The following CR1 variants were observed in gnomAD, a reference collection of about 807,000 sequenced individuals.
CR1 encodes complement receptor type 1.
CR1 carries 116 observed loss-of-function variants against 187.3 expected under a neutral mutation model. The observed-to-expected ratio is 0.62, with a 90% confidence interval of 0.53 to 0.72. The LOEUF is 0.72. Ranked by LOEUF, CR1 falls within the 30% of genes least tolerant of loss-of-function variation. CR1 has a pLI of 0.00. For synonymous variants in CR1, 576 were observed against 747.1 expected (o/e 0.77, Z 3.73); for missense variants, 1,731 against 2,110.7 (o/e 0.82, Z 3.52).
rs1440480180 is a variant in CR1, at chr1:207,567,003, T to C, written c.3953-821T>C. Among the ~76,000 whole-genome samples, 3 of 150,332 alleles carry C rather than the reference T, an allele frequency of 2.0e-5. 1 individual carries two copies. Among genetic ancestry groups the C allele is most frequent in the African/African-American group, 7.6e-5 (3 of 39,724 alleles). ...GCAGTATGACAAGTGTCTGTTCTAC[T>C]ATCATGAATGAAAGCTCATTAACTG... On this transcript the variant is annotated intron_variant, in intron 24 of 46. Transcript: ENST00000367049.
chr1:207,633,396 G>A (rs1041043041), intron 46 of CR1, among the ~76,000 whole-genome samples: 1 of 152,000 alleles, frequency 6.6e-6, no homozygotes, highest in Non-Finnish European at 1.5e-5. Context: ...TTAGACATTT[G>A]CATATACACC....
chr1:207,501,810 C>T (rs1014266960), intron 1 of CR1, among the ~76,000 whole-genome samples: 7 of 152,092 alleles, frequency 4.6e-5, no homozygotes, highest in East Asian at 1.9e-4. Context: ...TTCCTTTGTC[C>T]GGCATCAATG....
intron 27 of CR1, among the ~76,000 whole-genome samples, chr1:207,573,008 G>T (rs1391353881): frequency 6.6e-6 from 1 of 152,140 alleles, no homozygotes; most frequent in African/African-American, 2.4e-5. Flanking sequence ...ACCTTAACTT[G>T]ATTGCGTCTG....
chr1:207,628,333 A>G (rs550239597), intron 45 of CR1, among the ~76,000 whole-genome samples: 1 of 152,258 alleles, frequency 6.6e-6, no homozygotes, highest in East Asian at 1.9e-4. Flanking sequence ...TATCCACCCA[A>G]AGCAATTTTT....
At chr1:207,525,534 C>G (rs937597190) in intron 5 of CR1, among the ~76,000 whole-genome samples, 2 of 151,874 alleles carry the variant, frequency 1.3e-5, no homozygotes, top group Admixed American at 6.6e-5. Flanking sequence ...TAGCTACTCA[C>G]TGAAGCCATC....
At chr1:207,514,319 G>A (rs1046490390) in intron 4 of CR1, among the ~76,000 whole-genome samples, 16 of 152,050 alleles carry the variant, frequency 1.1e-4, no homozygotes, top group African/African-American at 3.9e-4. Context: ...ATTTAGTGGT[G>A]TTTAGTATAT....
At chr1:207,579,625 C>T (rs79299123) in intron 29 of CR1, among the ~76,000 whole-genome samples, 3,243 of 152,294 alleles carry the variant, frequency 0.021, 62 homozygotes, top group Non-Finnish European at 0.028. Flanking sequence ...ATAACTCGCC[C>T]CTCAATCTGC....
At chr1:207,586,064 G>C (rs974693761) in intron 33 of CR1, among the ~76,000 whole-genome samples, 1 of 152,068 alleles carries the variant, frequency 6.6e-6, no homozygotes, top group Non-Finnish European at 1.5e-5. Context: ...AGAAGACATA[G>C]CTTCTTACAG....
At chr1:207,497,551 G>A (rs1449511251) in intron 1 of CR1, among the ~76,000 whole-genome samples, 2 of 152,186 alleles carry the variant, frequency 1.3e-5, no homozygotes, top group Non-Finnish European at 2.9e-5. Context: ...TCCCGCAAGA[G>A]TTGTTATTAA....
intron 35 of CR1, among the ~76,000 whole-genome samples, chr1:207,597,288 TC>T (rs1175473831): frequency 7.2e-5 from 11 of 151,796 alleles, no homozygotes; most frequent in Non-Finnish European, 1.6e-4. Context: ...ATGATTCCAA[TC>T]CCCCCTTTTG....
At chr1:207,610,325 TTGTTTGTTTGTTTGTA>T (rs2102384989) in intron 37 of CR1, among the ~76,000 whole-genome samples, 1 of 152,196 alleles carries the variant, frequency 6.6e-6, no homozygotes, top group African/African-American at 2.4e-5. Context: ...GGTTTTTTGA[TTGTTTGTTTGTTTGTA>T]TGTTTGTTTG....
intron 4 of CR1, among the ~76,000 whole-genome samples, chr1:207,515,228 C>T (rs1363370980): frequency 4.5e-5 from 6 of 134,332 alleles, no homozygotes; most frequent in East Asian, 2.0e-4. Flanking sequence ...CATATATATA[C>T]GTATATATAC....
Position 207,633,918 on chromosome 1 carries a change from G to T in CR1, c.7457+3297G>T, listed in dbSNP as rs147060451. 2.8e-4 allele frequency among the ~76,000 whole-genome samples: 42 copies of T among 152,270 alleles called. No homozygotes were observed. In the East Asian group the frequency reaches 7.0e-3, roughly 25 times the overall value. On this transcript the variant is annotated intron_variant, in intron 46 of 46. Coordinates refer to ENST00000367049, the MANE Select transcript of CR1 (RefSeq NM_000651.6). ...CAGGTAAAGGAAAATTACAGTCAACGGGGCTTTGTTCTCTGGCGGGCAGAA... is the reference window on the plus strand; with the variant it reads ...CAGGTAAAGGAAAATTACAGTCAACTGGGCTTTGTTCTCTGGCGGGCAGAA...
In CR1 at chr1:207,608,621, A is replaced by G. The variant is rs148068651; in HGVS notation, c.5897-669A>G. Among the ~76,000 whole-genome samples the G allele has an allele frequency of 4.0e-3, 608 of 152,294 alleles. 4 individuals are homozygous for G. The highest frequency in any genetic ancestry group is 0.017 in the Middle Eastern group (5 of 294). On this transcript the variant is annotated intron_variant, in intron 36 of 46. Coordinates refer to ENST00000367049, the MANE Select transcript of CR1 (RefSeq NM_000651.6). ...CTTGAAATTCTATGAAATAATTCAA[A>G]TTATCAAAGAATTATCAGTTTACTA...
Position 207,639,534 on chromosome 1 carries a change from A to G in CR1, c.*125A>G. 1 of 903,878 alleles carries G rather than the reference A, an allele frequency of 1.1e-6. No homozygotes were observed. Among genetic ancestry groups the G allele is most frequent in the Admixed American group, 2.3e-5 (1 of 43,738 alleles). The allele number at this position is 903,878 out of a possible 1,614,324, so 56.0% of individuals were successfully genotyped here. On this transcript the variant is annotated 3_prime_UTR_variant, in exon 47 of 47. Transcript: ENST00000367049. ...GAAGTGACTTCACAGAGACGCAGAC[A>G]TGTGCACTTGAAGATGCTGCCCCTT...
intron 24 of CR1, among the ~76,000 whole-genome samples, chr1:207,566,382 C>T (rs553290715): frequency 6.7e-6 from 1 of 149,698 alleles, no homozygotes; most frequent in Non-Finnish European, 1.5e-5. Context: ...TATGATAATA[C>T]ACAAATATTG....
chr1:207,510,924 C>T (rs1572996315), intron 3 of CR1, among the ~76,000 whole-genome samples: 2 of 151,796 alleles, frequency 1.3e-5, no homozygotes, highest in Admixed American at 6.6e-5. Context: ...CTGACTCAAG[C>T]GATCTTCATG....
chr1:207,566,450 C>G (rs1221312693), intron 24 of CR1, among the ~76,000 whole-genome samples: 1 of 150,102 alleles, frequency 6.7e-6, no homozygotes, highest in Non-Finnish European at 1.5e-5. Context: ...TGATGTTCAT[C>G]TAGCCACTGG....
chr1:207,511,663 A>C lies in CR1; in HGVS notation c.487+9A>C, dbSNP rs780375951. On this transcript the variant is annotated intron_variant, in intron 4 of 46. Transcript: ENST00000367049. ...AACACCTATTTGTGACAGTGAGTTG[A>C]AATATCCCTTCCTATTTCTTTTACC... The C allele has an allele frequency of 5.0e-6, 8 of 1,608,248 alleles. 1 individual carries two copies. The highest frequency in any genetic ancestry group is 6.8e-6 in the Non-Finnish European group (8 of 1,175,160).
Sources: gnomAD v4.1 joint callset for allele counts (sites outside exome capture counted in the v4.1 genomes callset) on GRCh38, gnomAD v4.1.1 for gene constraint, MANE v1.5 for transcripts, NCBI Gene and HGNC (gene_info 2026-07-23, HGNC 2026-07-21) for gene names.